Variants in ARHGAP39 observed in about 807,000 individuals in gnomAD.
ARHGAP39 encodes the protein Rho GTPase activating protein 39.
A neutral mutation model predicts 106.9 loss-of-function variants in ARHGAP39; 44 were observed. That is an observed-to-expected ratio of 0.41 (90% CI 0.32 to 0.53). ARHGAP39 has a LOEUF of 0.53. Among genes scored for constraint, ARHGAP39 ranks in the 20% least tolerant of loss-of-function variants. ARHGAP39 has a pLI of 0.21. For synonymous variants in ARHGAP39, 768 were observed against 693.2 expected (o/e 1.11, Z -1.69); for missense variants, 1,496 against 1,577.3 (o/e 0.95, Z 0.87).
At chr8:144,632,868 C>T (rs1359998711) in intron 1 of ARHGAP39, among the ~76,000 whole-genome samples, 1 of 152,272 alleles carries the variant, frequency 6.6e-6, no homozygotes, top group Non-Finnish European at 1.5e-5. Flanking sequence ...ATATATTTTA[C>T]TTATTTTTCA....
intron 3 of ARHGAP39, among the ~76,000 whole-genome samples, chr8:144,576,565 G>C (rs1470919491): frequency 6.6e-6 from 1 of 152,144 alleles, no homozygotes; most frequent in Non-Finnish European, 1.5e-5. Context: ...GTGGGTGACT[G>C]ACACATTTTG....
In ARHGAP39 at chr8:144,545,497, C is replaced by T. The variant is rs201827781; in HGVS notation, c.2273G>A (p.Arg758Gln). 1.0e-5 allele frequency: 16 copies of T among 1,607,820 alleles called. No individual in the cohort carries two copies. The highest frequency in any genetic ancestry group is 4.5e-5 in the East Asian group (2 of 44,652). Residue 758 changes from arginine (R) to glutamine (Q), a missense_variant, in exon 6 of 12, where the codon CGG becomes CAG. Physicochemically the swap from Arg to Gln is conservative, Grantham distance 43. Coordinates refer to ENST00000377307, the MANE Select transcript of ARHGAP39 (RefSeq NM_025251.3). ...KLIQMYMGDR[R>Q]AKADPLHVAL... ...CACGTGCAGTGGGTCGGCCTTGGCCCGCCGGTCACCCATGTACATCTGGAT... is the reference window on the plus strand; with the variant it reads ...CACGTGCAGTGGGTCGGCCTTGGCCTGCCGGTCACCCATGTACATCTGGAT...
In ARHGAP39 at chr8:144,532,409, G is replaced by A. The variant is rs1261244699; in HGVS notation, c.2889-13C>T. ...GTCCCCAGGGACCCTGCAGGGCACA[G>A]GGCAGGTCTCAGGCAACAGGAGCCT... is the stretch of plus-strand genomic sequence containing the variant. On this transcript the variant is annotated splice_polypyrimidine_tract_variant and intron_variant, in intron 9 of 11. Coordinates refer to ENST00000377307, the MANE Select transcript of ARHGAP39 (RefSeq NM_025251.3). The A allele has an allele frequency of 6.2e-7, 1 of 1,609,756 alleles. No individual in the cohort carries two copies. Among genetic ancestry groups the A allele is most frequent in the South Asian group, 1.1e-5 (1 of 90,786 alleles).
chr8:144,590,393 A>G (rs536969654), intron 2 of ARHGAP39, among the ~76,000 whole-genome samples: 2 of 152,150 alleles, frequency 1.3e-5, no homozygotes, highest in African/African-American at 4.8e-5. Flanking sequence ...CAGACCCCTC[A>G]TGGCTCAGTG....
rs768711526 is a variant in ARHGAP39 at position 144,530,798 on chromosome 8, G to A, written c.3054C>T (p.Ile1018=). The change falls in exon 11 of 12, where the codon ATC becomes ATT. Residue 1018 remains isoleucine (I), a synonymous_variant. Transcript: ENST00000377307. The part of the protein sequence containing the change: ...LIPHEFYEQC[I]AHYDSPEAAV... ...CCGCCTCGGGGCTGTCGTAGTGCGC[G>A]ATGCACTGCTCGTAGAACTCGTGCG... 5.6e-6 allele frequency: 9 copies of A among 1,611,886 alleles called. No individual in the cohort carries two copies. The highest frequency in any genetic ancestry group is 2.2e-5 in the East Asian group (1 of 44,886).
At chr8:144,598,627 C>G (rs1819722071) in intron 2 of ARHGAP39, among the ~76,000 whole-genome samples, 1 of 152,326 alleles carries the variant, frequency 6.6e-6, no homozygotes, top group South Asian at 2.1e-4. Flanking sequence ...TCAGATCACA[C>G]CTCACACCAC....
Position 144,545,830 on chromosome 8 carries a change from C to A in ARHGAP39, c.1960-20G>T, listed in dbSNP as rs1289451836. 2 of 1,392,214 alleles carry A rather than the reference C, an allele frequency of 1.4e-6. No homozygotes were observed. The highest frequency in any genetic ancestry group is 1.9e-6 in the Non-Finnish European group (2 of 1,034,638). 86.2% of individuals were successfully genotyped at this position (1,392,214 alleles called of 1,614,324 possible). On this transcript the variant is annotated intron_variant, in intron 5 of 11. Coordinates refer to ENST00000377307, the MANE Select transcript of ARHGAP39 (RefSeq NM_025251.3). ...CTCAGACTGAGAAGGACAAATGCGG[C>A]TGGGCTGTTGGGGGTGGGGGAGGGC...
At chr8:144,599,696 G>A (rs756325033) in intron 2 of ARHGAP39, among the ~76,000 whole-genome samples, 18 of 152,122 alleles carry the variant, frequency 1.2e-4, no homozygotes, top group Non-Finnish European at 1.5e-4. Context: ...ATGAACCAAC[G>A]GATGCCAGAA....
intron 1 of ARHGAP39, among the ~76,000 whole-genome samples, chr8:144,625,873 T>G (rs376347909): frequency 2.1e-3 from 5 of 2,434 alleles, no homozygotes; most frequent in African/African-American, 4.9e-3. Context: ...CACTGCGGCA[T>G]CCCCTGTCCC....
intron 6 of ARHGAP39, among the ~76,000 whole-genome samples, chr8:144,540,552 G>C (rs1237451208): frequency 6.6e-6 from 1 of 152,192 alleles, no homozygotes; most frequent in East Asian, 1.9e-4. Context: ...TGTGATCCCA[G>C]CACTTTGGGA....
intron 1 of ARHGAP39, among the ~76,000 whole-genome samples, chr8:144,629,124 A>C (rs987858685): frequency 2.0e-5 from 3 of 152,254 alleles, no homozygotes; most frequent in Non-Finnish European, 2.9e-5. Flanking sequence ...CAAAGTGCAC[A>C]GAATGAGTGT....
At chr8:144,601,036 CTG>C (rs1298782937) in intron 2 of ARHGAP39, among the ~76,000 whole-genome samples, 10 of 122,266 alleles carry the variant, frequency 8.2e-5, no homozygotes, top group East Asian at 2.6e-4. Context: ...GCTCGTGTAC[CTG>C]TGTGTGCACA....
At chr8:144,597,148 G>A (rs546501597) in intron 2 of ARHGAP39, among the ~76,000 whole-genome samples, 8 of 152,322 alleles carry the variant, frequency 5.3e-5, no homozygotes, top group South Asian at 2.1e-4. Flanking sequence ...GGAGGAGGGC[G>A]ACCAGAACCC....
chr8:144,547,900 G>C lies in ARHGAP39; in HGVS notation c.1186C>G (p.Arg396Gly), dbSNP rs1218993898. The part of the protein sequence containing the change: ...EYSPAGKEYV[R>G]QLVYVEQAGS... ...GCCTGCTCCACGTAGACCAGCTGCC[G>C]CACGTACTCCTTGCCGGCGGGACTG... is the stretch of plus-strand genomic sequence containing the variant. The change falls in exon 5 of 12, where the codon CGG (arginine) becomes GGG (glycine). Residue 396 changes from arginine to glycine, a missense_variant. Physicochemically the swap from Arg to Gly is moderately radical, Grantham distance 125. Transcript: ENST00000377307. This position sits in a 1 kb window ranked among gnomAD's most constrained non-coding sequence, Gnocchi z 5.2. 5.1e-6 allele frequency: 8 copies of C among 1,583,518 alleles called. No individual in the cohort carries two copies. The African/African-American group carries it at 1.1e-4, about 21-fold the overall frequency.
chr8:144,589,339 T>C (rs561008921), intron 2 of ARHGAP39, among the ~76,000 whole-genome samples: 4 of 152,360 alleles, frequency 2.6e-5, no homozygotes, highest in African/African-American at 9.6e-5. Flanking sequence ...TGCTCCTCCA[T>C]GCAGGCGTGT....
In ARHGAP39 at chr8:144,591,934, G is replaced by A. The variant is rs1044510934; in HGVS notation, c.81-10657C>T. 3.3e-5 allele frequency among the ~76,000 whole-genome samples: 5 copies of A among 152,134 alleles called. No individual in the cohort carries two copies. The highest frequency in any genetic ancestry group is 9.7e-5 in the African/African-American group (4 of 41,422). On this transcript the variant is annotated intron_variant, in intron 2 of 11. Coordinates refer to ENST00000377307, the MANE Select transcript of ARHGAP39 (RefSeq NM_025251.3). This position sits in a 1 kb window ranked among gnomAD's most constrained non-coding sequence, Gnocchi z 5.3. ...GTGCCTGTGGGGAGTGGTGCCTGCA[G>A]GGAGTGGTGCCTGATCTCCTGTTCT...
At position 144,641,748 on chromosome 8, in the gene ARHGAP39, G is replaced by A. The variant is rs1821317872; in HGVS notation, c.-81-36053C>T. On this transcript the variant is annotated intron_variant, in intron 1 of 11. Transcript: ENST00000377307. The surrounding 1 kb of genome is among the most constrained non-coding windows in gnomAD (Gnocchi z 5.2). Reference sequence around the variant, plus strand: ...TGCACCCAAGCTCCTGCCACAGTCTGAGCTGGCCCCACAGGTACCCAAGAG... The same window carrying A: ...TGCACCCAAGCTCCTGCCACAGTCTAAGCTGGCCCCACAGGTACCCAAGAG... Among the ~76,000 whole-genome samples the A allele has an allele frequency of 6.6e-6, 1 of 152,254 alleles. No homozygotes were observed. Among genetic ancestry groups the A allele is most frequent in the African/African-American group, 2.4e-5 (1 of 41,470 alleles).
intron 2 of ARHGAP39, among the ~76,000 whole-genome samples, chr8:144,594,585 T>C (rs1462042046): frequency 6.6e-6 from 1 of 151,324 alleles, no homozygotes; most frequent in Non-Finnish European, 1.5e-5. Flanking sequence ...TCCTAGCTAC[T>C]CGGGAGGCTG....
intron 1 of ARHGAP39, among the ~76,000 whole-genome samples, chr8:144,613,385 G>A (rs1586614816): frequency 6.6e-6 from 1 of 151,994 alleles, no homozygotes; most frequent in South Asian, 2.1e-4. Flanking sequence ...ATTTCTTTCA[G>A]TGAAGGTCTG....
Sources: allele counts gnomAD v4.1 joint callset (sites outside exome capture counted in the v4.1 genomes callset), GRCh38; gene constraint gnomAD v4.1.1; non-coding constraint Gnocchi (gnomAD v3.1); transcripts MANE v1.5; gene names NCBI Gene and HGNC (gene_info 2026-07-23, HGNC 2026-07-21).